PDE6C: variants seen among roughly 807,000 people sequenced by gnomAD.
PDE6C encodes phosphodiesterase 6C.
PDE6C carries 75 observed loss-of-function variants against 113.1 expected under a neutral mutation model. That is an observed-to-expected ratio of 0.66 (90% CI 0.55 to 0.80). The LOEUF (loss-of-function observed/expected upper bound fraction) is 0.80, where lower values mean the gene tolerates loss of function less well. Ranked by LOEUF, PDE6C falls within the 30% of genes least tolerant of loss-of-function variation. PDE6C has a pLI of 0.00. For synonymous variants in PDE6C, 375 were observed against 363.7 expected (o/e 1.03, Z -0.35); for missense variants, 912 against 1,038.6 (o/e 0.88, Z 1.67).
Position 93,620,944 on chromosome 10 carries a change from C to G in PDE6C, c.687C>G (p.Thr229=), listed in dbSNP as rs146803497. ...FVSIILRLHH[T]SYMYNIESRR... is the part of the protein sequence containing the mutation. ...CTATCATCCTAAGGCTTCATCACACCAGCTACATGTACAATATTGAATCCC... is the reference window on the plus strand; with the variant it reads ...CTATCATCCTAAGGCTTCATCACACGAGCTACATGTACAATATTGAATCCC... The change falls in exon 3 of 22, where the codon ACC becomes ACG. Residue 229 remains threonine, a synonymous_variant. Transcript: ENST00000371447. The G allele has an allele frequency of 1.1e-4, 172 of 1,613,984 alleles. 1 individual carries two copies. The Middle Eastern group carries it at 5.6e-3, about 53-fold the overall frequency.
Position 93,659,099 on chromosome 10 carries a change from C to A in PDE6C, c.2145-5C>A. 1.9e-6 allele frequency: 3 copies of A among 1,609,216 alleles called. No homozygotes were observed. Among genetic ancestry groups the A allele is most frequent in the Non-Finnish European group, 1.7e-6 (2 of 1,177,704 alleles). The stretch of plus-strand genomic sequence containing the variant: ...TATTTTAAAATTTTTTGTTTTCTTC[C>A]TAAGGGCAATGATGATGACGGCATG... On this transcript the variant is annotated splice_region_variant and splice_polypyrimidine_tract_variant and intron_variant, in intron 17 of 21. Transcript: ENST00000371447.
chr10:93,665,794 G>T lies in PDE6C; in HGVS notation c.*376G>T. On this transcript the variant is annotated 3_prime_UTR_variant, in exon 22 of 22. Coordinates refer to ENST00000371447, the MANE Select transcript of PDE6C (RefSeq NM_006204.4). ...GTATTTTCTCAAAGTCCTGGGGGCT[G>T]GAAGTTCAAGATCAAGGAGTTGGCA... is the stretch of plus-strand genomic sequence containing the variant. 3.8e-6 allele frequency: 1 copy of T among 264,758 alleles called. No individual in the cohort carries two copies. 16.4% of individuals were successfully genotyped at this position (264,758 alleles called of 1,614,324 possible).
chr10:93,655,031 G>A (rs563377495), intron 15 of PDE6C, among the ~76,000 whole-genome samples: 1 of 151,712 alleles, frequency 6.6e-6, no homozygotes, highest in South Asian at 2.1e-4. Flanking sequence ...GCCCAGGCTG[G>A]TCTTGAACTC....
At chr10:93,655,633 G>GAAAAAAAAAAAAAAA in intron 15 of PDE6C, 127 bp from the exon 16 acceptor site, 3 of 539,302 alleles carry the variant, frequency 5.6e-6, no homozygotes, top group African/African-American at 2.2e-5. Flanking sequence ...AAAAAAGGAA[G>GAAAAAAAAAAAAAAA]GAAAACAAAA....
Position 93,634,747 on chromosome 10 carries a change from C to A in PDE6C, c.1120-11C>A. 1 of 1,613,972 alleles carries A rather than the reference C, an allele frequency of 6.2e-7. No homozygotes were observed. Among genetic ancestry groups the A allele is most frequent in the Non-Finnish European group, 8.5e-7 (1 of 1,179,920 alleles). ...GCAAAAAAATAACTTGAGGTCCCTT[C>A]TCGTTTGTAGAAAGGACCTGTAGAC... On this transcript the variant is annotated splice_polypyrimidine_tract_variant and intron_variant, in intron 8 of 21. Coordinates refer to ENST00000371447, the MANE Select transcript of PDE6C (RefSeq NM_006204.4).
intron 13 of PDE6C, 42 bp downstream of exon 13, chr10:93,640,599 TC>T: frequency 7.6e-7 from 1 of 1,313,848 alleles, no homozygotes. Flanking sequence ...CCTGCAGATT[TC>T]CCATTTGAGC....
At chr10:93,627,116 G>A (rs1260624066) in intron 7 of PDE6C, among the ~76,000 whole-genome samples, 2 of 151,992 alleles carry the variant, frequency 1.3e-5, no homozygotes, top group Non-Finnish European at 2.9e-5. Flanking sequence ...TACAAAATTA[G>A]CTGGGCGTGG....
In PDE6C at chr10:93,626,849, C is replaced by T; in HGVS notation, c.1049C>T (p.Thr350Ile). The T allele has an allele frequency of 6.2e-7, 1 of 1,613,784 alleles. No homozygotes were observed. The highest frequency in any genetic ancestry group is 8.5e-7 in the Non-Finnish European group (1 of 1,179,868). Residue 350 changes from threonine (T) to isoleucine (I), a missense_variant, in exon 7 of 22, where the codon ACA (threonine) becomes ATA (isoleucine). Physicochemically the swap from Thr to Ile is moderately conservative, Grantham distance 89. Transcript: ENST00000371447. Reference protein sequence around the residue: ...DHWTLISGLPTYVAENGFICN... With the variant: ...DHWTLISGLPIYVAENGFICN... ...TGGACACTCATTAGTGGGTTGCCAA[C>T]ATATGTTGCTGAAAATGGATTTGTA...
chr10:93,626,726 C>T (rs1448121166), intron 6 of PDE6C, 22 bp downstream of exon 6: 2 of 1,601,806 alleles, frequency 1.2e-6, no homozygotes, highest in African/African-American at 2.7e-5. Flanking sequence ...CAGGAAGTTG[C>T]TGCCGCAGTT....
chr10:93,616,267 C>G (rs1463992466), intron 1 of PDE6C, among the ~76,000 whole-genome samples: 1 of 152,164 alleles, frequency 6.6e-6, no homozygotes, highest in Non-Finnish European at 1.5e-5. Flanking sequence ...TTTCCTCTGG[C>G]TAGCAGTGTG....
chr10:93,645,284 T>A (rs569784645), intron 14 of PDE6C, among the ~76,000 whole-genome samples: 1 of 152,362 alleles, frequency 6.6e-6, no homozygotes, highest in African/African-American at 2.4e-5. Flanking sequence ...AACCTGGCAA[T>A]GACCTCTCCC....
intron 15 of PDE6C, among the ~76,000 whole-genome samples, chr10:93,653,351 T>C (rs980478068): frequency 6.6e-6 from 1 of 152,036 alleles, no homozygotes; most frequent in Non-Finnish European, 1.5e-5. Context: ...AAGTAAGAAA[T>C]TGATTCGGGG....
chr10:93,627,405 T>C (rs151007737), intron 7 of PDE6C, among the ~76,000 whole-genome samples: 9 of 152,148 alleles, frequency 5.9e-5, no homozygotes, highest in African/African-American at 1.7e-4. Flanking sequence ...GAAAGGTTCC[T>C]CCATCCCTCA....
intron 8 of PDE6C, among the ~76,000 whole-genome samples, chr10:93,630,347 C>A (rs1258216233): frequency 7.0e-6 from 1 of 143,264 alleles, no homozygotes; most frequent in South Asian, 2.6e-4. Context: ...GTTCATCCAG[C>A]CCACCAGAAG....
rs764255562 is a variant in PDE6C, at chr10:93,637,031, G to A, written c.1450G>A (p.Asp484Asn). 27 of 1,604,626 alleles carry A rather than the reference G, an allele frequency of 1.7e-5. No individual in the cohort carries two copies. Among genetic ancestry groups the A allele is most frequent in the Admixed American group, 6.7e-5 (4 of 59,936 alleles). The change falls in exon 11 of 22, where the codon GAC (aspartate) becomes AAC (asparagine). Residue 484 changes from aspartate to asparagine, a missense_variant. Transcript: ENST00000371447. ...QEKLNVDVID[D>N]CEEKQLVAIL... Reference sequence around the variant, plus strand: ...GAAGTTAAATGTTGATGTAATTGACGACTGTGAAGAAAAACAACTTGTTGC... The same window carrying A: ...GAAGTTAAATGTTGATGTAATTGACAACTGTGAAGAAAAACAACTTGTTGC...
At chr10:93,624,095 T>C (rs1448044250) in intron 4 of PDE6C, among the ~76,000 whole-genome samples, 1 of 152,066 alleles carries the variant, frequency 6.6e-6, no homozygotes, top group Non-Finnish European at 1.5e-5. Context: ...CTTTAGGTTT[T>C]TGTATTCTAA....
In PDE6C at chr10:93,654,786, C is replaced by T. The variant is rs868496674; in HGVS notation, c.1936-974C>T. On this transcript the variant is annotated intron_variant, in intron 15 of 21. Transcript: ENST00000371447. Reference sequence around the variant, plus strand: ...TCTTTCTTTCTTTCTTTCTTTCTTTCTTTCTTTCTTTCTTTCTTTCTTTCT... The same window carrying T: ...TCTTTCTTTCTTTCTTTCTTTCTTTTTTTCTTTCTTTCTTTCTTTCTTTCT... Among the ~76,000 whole-genome samples the T allele has an allele frequency of 7.2e-3, 510 of 70,820 alleles. 1 individual carries two copies. Among genetic ancestry groups the T allele is most frequent in the South Asian group, 0.016 (28 of 1,706 alleles). 46.5% of individuals were successfully genotyped at this position (70,820 alleles called of 152,430 possible).
intron 1 of PDE6C, among the ~76,000 whole-genome samples, chr10:93,616,652 C>CTT (rs11418985): frequency 0.14 from 16,227 of 118,400 alleles, 1,901 homozygotes; most frequent in Non-Finnish European, 0.17. Flanking sequence ...GGCAGGAAGA[C>CTT]TTTTTTTTTT....
chr10:93,650,881 TG>T (rs1458270133), intron 15 of PDE6C, among the ~76,000 whole-genome samples: 1 of 111,284 alleles, frequency 9.0e-6, no homozygotes, highest in East Asian at 2.9e-4. Flanking sequence ...CTGTTTTATA[TG>T]ATATATTTTT....
Sources: gnomAD v4.1 joint callset for allele counts (sites outside exome capture counted in the v4.1 genomes callset) on GRCh38, gnomAD v4.1.1 for gene constraint, MANE v1.5 for transcripts, NCBI Gene and HGNC (gene_info 2026-07-23, HGNC 2026-07-21) for gene names.